The following VRK3 variants were observed in gnomAD, a reference collection of about 807,000 sequenced individuals.
VRK3 encodes VRK serine/threonine kinase 3.
In VRK3, 50 loss-of-function variants were observed where a neutral mutation model predicts 60.4. The ratio of observed to expected loss-of-function variants is 0.83; its 90% CI spans 0.66 to 1.05. The LOEUF is 1.05. VRK3 is among the 50% of genes least tolerant of loss of function. The probability of loss-of-function intolerance (pLI) is 0.00; values close to 1 mark genes in which losing one functional copy is unlikely to be tolerated. For synonymous variants in VRK3, 246 were observed against 227.8 expected (o/e 1.08, Z -0.72); for missense variants, 549 against 585.3 (o/e 0.94, Z 0.64).
intron 13 of VRK3, among the ~76,000 whole-genome samples, chr19:49,980,522 C>T (rs531867125): frequency 6.1e-4 from 93 of 152,150 alleles, no homozygotes; most frequent in Middle Eastern, 6.8e-3. Context: ...TCGAGACCAG[C>T]CTGGGCAACA....
rs1260478786 is a variant in VRK3 at position 50,016,011 on chromosome 19, C to A, written c.139+13G>T. On this transcript the variant is annotated intron_variant, in intron 3 of 14. Coordinates refer to ENST00000316763, the MANE Select transcript of VRK3 (RefSeq NM_016440.4). Reference sequence around the variant, plus strand: ...TCCCACCGCAGAAACAGGCTCAATGCTCTGGTTCTTACCTTGGAAGGATGA... The same window carrying A: ...TCCCACCGCAGAAACAGGCTCAATGATCTGGTTCTTACCTTGGAAGGATGA... 1 of 1,614,162 alleles carries A rather than the reference C, an allele frequency of 6.2e-7. No homozygotes were observed. Among genetic ancestry groups the A allele is most frequent in the Admixed American group, 1.7e-5 (1 of 60,008 alleles).
Position 50,009,382 on chromosome 19 carries a change from G to C in VRK3, c.143C>G (p.Ser48Ter). 1 of 1,613,388 alleles carries C rather than the reference G, an allele frequency of 6.2e-7. No individual in the cohort carries two copies. Among genetic ancestry groups the C allele is most frequent in the Non-Finnish European group, 8.5e-7 (1 of 1,179,746 alleles). Residue 48 changes from serine to a stop codon, truncating the protein, a stop_gained, in exon 4 of 15, where the codon TCA becomes TGA. Coordinates refer to ENST00000316763, the MANE Select transcript of VRK3 (RefSeq NM_016440.4). LOFTEE classifies it high-confidence loss of function. ...VNPHVSSFQGSKRGLNSSFET... is the reference protein window; with the variant it reads ...VNPHVSSFQG ...AAAACTGGAGTTCAGCCCTCTCTTT[G>C]AGCCTAAAGAAAGGCAGACAAAATG... is the stretch of plus-strand genomic sequence containing the variant.
chr19:50,025,322 TC>T lies in VRK3; in HGVS notation c.-121del, dbSNP rs2077253579. Reference sequence around the variant, plus strand: ...GGGCTTCTGCAGCCTGACCCTCGGATCCTCCGCAGTTACCCGGACTCACCTT... The same window carrying T: ...GGGCTTCTGCAGCCTGACCCTCGGATCTCCGCAGTTACCCGGACTCACCTT... On this transcript the variant is annotated 5_prime_UTR_variant, in exon 1 of 15. Coordinates refer to ENST00000316763, the MANE Select transcript of VRK3 (RefSeq NM_016440.4). The T allele has an allele frequency of 6.6e-6, 1 of 152,290 alleles. No individual in the cohort carries two copies. The highest frequency in any genetic ancestry group is 1.5e-5 in the Non-Finnish European group (1 of 68,120). 9.4% of individuals were successfully genotyped at this position (152,290 alleles called of 1,614,324 possible).
chr19:50,013,438 GAAGA>G (rs781338280), intron 3 of VRK3, among the ~76,000 whole-genome samples: 2 of 152,168 alleles, frequency 1.3e-5, no homozygotes, highest in African/African-American at 2.4e-5. Context: ...TGAAAGAAAA[GAAGA>G]AATAAACCTA....
At chr19:49,981,450 C>T (rs574235182) in intron 12 of VRK3, among the ~76,000 whole-genome samples, 4 of 152,254 alleles carry the variant, frequency 2.6e-5, no homozygotes, top group African/African-American at 9.6e-5. Flanking sequence ...GAGGCTGAGG[C>T]AGGAGAATGG....
intron 2 of VRK3, chr19:50,019,195 A>T: frequency 7.0e-6 from 1 of 143,754 alleles, no homozygotes; most frequent in South Asian, 2.1e-4. Context: ...AAAGAAAAAA[A>T]ATTAAACAAA....
In VRK3 at chr19:50,017,574, CAAAAAAAAAAAA is replaced by C. The variant is rs1321466617; in HGVS notation, c.-1-1423_-1-1412del. On this transcript the variant is annotated intron_variant, in intron 2 of 14. Transcript: ENST00000316763. ...GGGTAACAAGAGTGAAACTCTGCCTCAAAAAAAAAAAAAAAAAAAAAAAAAAGTGAAACTATT... is the reference window on the plus strand; with the variant it reads ...GGGTAACAAGAGTGAAACTCTGCCTCAAAAAAAAAAAAAAGTGAAACTATT... Among the ~76,000 whole-genome samples the C allele has an allele frequency of 5.1e-5, 2 of 39,174 alleles. 1 individual carries two copies. The highest frequency in any genetic ancestry group is 2.0e-3 in the South Asian group (2 of 976). The allele number at this position is 39,174 out of a possible 152,430, so 25.7% of individuals were successfully genotyped here.
chr19:50,004,153 A>C (rs1380958377), intron 5 of VRK3, among the ~76,000 whole-genome samples: 1 of 152,180 alleles, frequency 6.6e-6, no homozygotes, highest in African/African-American at 2.4e-5. Flanking sequence ...AACCAAAACC[A>C]CATTGGCCCA....
chr19:50,003,254 C>T (rs2076838623), intron 5 of VRK3, among the ~76,000 whole-genome samples: 1 of 152,204 alleles, frequency 6.6e-6, no homozygotes. Flanking sequence ...TCAGCAGAGC[C>T]AACACCTAAA....
At chr19:49,992,801 G>A (rs1170474032) in intron 10 of VRK3, 59 bp downstream of exon 10, 2 of 1,503,836 alleles carry the variant, frequency 1.3e-6, no homozygotes, top group African/African-American at 1.4e-5. Context: ...TAGAGATTTG[G>A]AGACAGATGG....
intron 10 of VRK3, among the ~76,000 whole-genome samples, chr19:49,991,021 C>A (rs1484949376): frequency 1.3e-5 from 2 of 152,116 alleles, no homozygotes; most frequent in East Asian, 3.9e-4. Flanking sequence ...CTCCTGGGCT[C>A]AAGCGATCCG....
At position 49,995,844 on chromosome 19, in the gene VRK3, T is replaced by C. The variant is rs184465353; in HGVS notation, c.680-569A>G. Among the ~76,000 whole-genome samples, 813 of 152,208 alleles carry C rather than the reference T, an allele frequency of 5.3e-3. 6 individuals are homozygous for C. The highest frequency in any genetic ancestry group is 5.7e-3 in the Non-Finnish European group (390 of 67,992). On this transcript the variant is annotated intron_variant, in intron 7 of 14. Transcript: ENST00000316763. Reference sequence around the variant, plus strand: ...GCTCACTGCAACCTCCGCTTCCTGATTTTAAGCAATTCTCCTGCCTCAGCC... The same window carrying C: ...GCTCACTGCAACCTCCGCTTCCTGACTTTAAGCAATTCTCCTGCCTCAGCC...
intron 13 of VRK3, among the ~76,000 whole-genome samples, chr19:49,980,542 C>T (rs1342811347): frequency 1.3e-5 from 2 of 151,906 alleles, no homozygotes; most frequent in African/African-American, 2.4e-5. Flanking sequence ...ATGATGAAAC[C>T]CCGTCTCTAC....
At chr19:50,024,048 C>G (rs932940974) in intron 1 of VRK3, among the ~76,000 whole-genome samples, 3 of 152,244 alleles carry the variant, frequency 2.0e-5, no homozygotes, top group African/African-American at 7.2e-5. Flanking sequence ...GCGATTCTCC[C>G]TGCCTCAACC....
At chr19:49,990,776 A>C (rs1039810401) in intron 10 of VRK3, among the ~76,000 whole-genome samples, 15 of 150,740 alleles carry the variant, frequency 1.0e-4, no homozygotes, top group African/African-American at 3.5e-4. Context: ...TGTTCATTAA[A>C]AAAATAATTT....
chr19:49,989,043 T>C (rs2076565630), intron 11 of VRK3, among the ~76,000 whole-genome samples: 1 of 152,194 alleles, frequency 6.6e-6, no homozygotes, highest in Non-Finnish European at 1.5e-5. Context: ...CGACAAGCAC[T>C]ACTTGTCCGT....
At chr19:50,009,463 GTTATAC>G in intron 3 of VRK3, 78 bp from the exon 4 acceptor site, 4 of 1,550,356 alleles carry the variant, frequency 2.6e-6, no homozygotes, top group Non-Finnish European at 3.5e-6. Flanking sequence ...GAGCCCTGAG[GTTATAC>G]TCAGCTATGC....
At chr19:49,981,519 TG>T in intron 12 of VRK3, 1 of 246,808 alleles carries the variant, frequency 4.1e-6, no homozygotes, top group Non-Finnish European at 6.6e-6. Flanking sequence ...CACTCCAGCC[TG>T]GGCGACAGAG....
chr19:50,004,580 AGT>A (rs1282589517), intron 5 of VRK3, among the ~76,000 whole-genome samples: 1 of 152,100 alleles, frequency 6.6e-6, no homozygotes, highest in African/African-American at 2.4e-5. Context: ...CCTATCTCAC[AGT>A]GTGGCTGGCA....
Sources: gnomAD v4.1 joint callset for allele counts (sites outside exome capture counted in the v4.1 genomes callset) on GRCh38, gnomAD v4.1.1 for gene constraint, MANE v1.5 for transcripts, NCBI Gene and HGNC (gene_info 2026-07-23, HGNC 2026-07-21) for gene names.